SIPA1L3: variants seen among roughly 807,000 people sequenced by gnomAD.
The protein encoded by SIPA1L3 is signal induced proliferation associated 1 like 3, also known as signal-induced proliferation-associated 1-like protein 3.
SIPA1L3 carries 59 observed loss-of-function variants against 150.1 expected under a neutral mutation model. The ratio of observed to expected loss-of-function variants is 0.39; its 90% confidence interval spans 0.32 to 0.49. The LOEUF (loss-of-function observed/expected upper bound fraction) is 0.49, where lower values mean the gene tolerates loss of function less well. SIPA1L3 is among the 20% of genes least tolerant of loss of function. The pLI, the probability that SIPA1L3 is intolerant of heterozygous loss-of-function variation, is 0.86. For missense variants in SIPA1L3, 2,211 were observed against 2,489.5 expected (o/e 0.89, Z 2.38); for synonymous variants, 1,070 against 1,077.6 (o/e 0.99, Z 0.14).
At chr19:38,088,876 A>G (rs771601233) in intron 4 of SIPA1L3, 25 bp downstream of exon 4, 6 of 1,608,518 alleles carry the variant, frequency 3.7e-6, no homozygotes, top group Admixed American at 1.7e-5. Context: ...TCTCGTTCTT[A>G]TTAAAGAAAT....
chr19:38,204,409 G>C (rs887481702), intron 21 of SIPA1L3, among the ~76,000 whole-genome samples: 4 of 152,192 alleles, frequency 2.6e-5, no homozygotes, highest in Non-Finnish European at 4.4e-5. Context: ...TCCATTCTTG[G>C]GGGGAGAATA....
intron 3 of SIPA1L3, among the ~76,000 whole-genome samples, chr19:38,085,849 A>G (rs2145832318): frequency 1.3e-5 from 2 of 152,234 alleles, no homozygotes; most frequent in East Asian, 3.9e-4. Flanking sequence ...TACAAAAATT[A>G]GCTGGGCGTG....
At chr19:38,041,216 C>G (rs971108364) in intron 2 of SIPA1L3, among the ~76,000 whole-genome samples, 1 of 149,510 alleles carries the variant, frequency 6.7e-6, no homozygotes, top group African/African-American at 2.5e-5. Flanking sequence ...AAGCAATTCT[C>G]CTGCCTCAGC....
intron 16 of SIPA1L3, among the ~76,000 whole-genome samples, chr19:38,188,985 A>G (rs1034004308): frequency 2.6e-5 from 4 of 151,828 alleles, no homozygotes; most frequent in Non-Finnish European, 4.4e-5. Context: ...TCCCTCCCCA[A>G]AAGCAGCCAT....
intron 2 of SIPA1L3, among the ~76,000 whole-genome samples, chr19:38,068,454 C>T (rs530599574): frequency 2.0e-5 from 3 of 152,276 alleles, no homozygotes; most frequent in East Asian, 3.9e-4. Flanking sequence ...CTCATTTGAA[C>T]GATTTCATCT....
intron 16 of SIPA1L3, among the ~76,000 whole-genome samples, chr19:38,186,696 A>G (rs1253617116): frequency 2.6e-5 from 4 of 151,180 alleles, no homozygotes; most frequent in African/African-American, 9.7e-5. Context: ...TTTAAAAATC[A>G]CAACCAAGGC....
chr19:38,037,191 C>A (rs891925490), intron 2 of SIPA1L3, among the ~76,000 whole-genome samples: 2 of 152,214 alleles, frequency 1.3e-5, no homozygotes, highest in African/African-American at 4.8e-5. Context: ...GTGATTATGT[C>A]TGCACTAAGT....
intron 2 of SIPA1L3, among the ~76,000 whole-genome samples, chr19:38,071,436 A>G (rs1969721857): frequency 6.6e-6 from 1 of 151,942 alleles, no homozygotes; most frequent in Non-Finnish European, 1.5e-5. Flanking sequence ...ACAGGCATGC[A>G]CCACCATGCC....
At chr19:37,990,977 A>T (rs1315853549) in intron 1 of SIPA1L3, among the ~76,000 whole-genome samples, 2 of 152,152 alleles carry the variant, frequency 1.3e-5, no homozygotes, top group African/African-American at 2.4e-5. Flanking sequence ...TCACGCTTGT[A>T]ATCCCAACAC....
intron 15 of SIPA1L3, among the ~76,000 whole-genome samples, chr19:38,173,441 C>T (rs755066181): frequency 6.6e-6 from 1 of 152,278 alleles, no homozygotes; most frequent in African/African-American, 2.4e-5. Context: ...CTGAGTGATC[C>T]TGGGCGGGCA....
intron 1 of SIPA1L3, among the ~76,000 whole-genome samples, chr19:37,971,949 TACAGATAG>T (rs1470918708): frequency 1.3e-5 from 2 of 152,202 alleles, no homozygotes; most frequent in Non-Finnish European, 2.9e-5. Flanking sequence ...TATTCTGTTG[TACAGATAG>T]ACCACATTTT....
intron 9 of SIPA1L3, among the ~76,000 whole-genome samples, chr19:38,127,880 G>C (rs1445754169): frequency 6.6e-6 from 1 of 151,906 alleles, no homozygotes; most frequent in Admixed American, 6.6e-5. Context: ...AGCTTAGGTG[G>C]GGTAGCTTAT....
At chr19:38,024,766 G>C (rs1968462718) in intron 1 of SIPA1L3, among the ~76,000 whole-genome samples, 1 of 152,154 alleles carries the variant, frequency 6.6e-6, no homozygotes, top group Non-Finnish European at 1.5e-5. Flanking sequence ...CTTCTTAGAA[G>C]GGTCATGTTC....
At chr19:38,057,578 T>C (rs904080514) in intron 2 of SIPA1L3, among the ~76,000 whole-genome samples, 1 of 152,012 alleles carries the variant, frequency 6.6e-6, no homozygotes, top group East Asian at 1.9e-4. Flanking sequence ...CTATGAATTT[T>C]TCTGCATCTC....
At chr19:38,175,752 C>T (rs1157765693) in intron 15 of SIPA1L3, among the ~76,000 whole-genome samples, 1 of 152,140 alleles carries the variant, frequency 6.6e-6, no homozygotes. Flanking sequence ...AACTGAGGCT[C>T]ACTGAGGGGA....
intron 7 of SIPA1L3, 125 bp from the exon 8 acceptor site, chr19:38,110,102 T>C (rs1290359103): frequency 1.6e-5 from 15 of 929,670 alleles, no homozygotes; most frequent in Middle Eastern, 2.4e-4. Context: ...CGGGCATTCC[T>C]TGGGCTGTGT....
chr19:38,079,159 T>C (rs1036348879), intron 2 of SIPA1L3, among the ~76,000 whole-genome samples: 4 of 152,146 alleles, frequency 2.6e-5, no homozygotes, highest in Non-Finnish European at 5.9e-5. Flanking sequence ...GGTGAAACCC[T>C]GTCTCTACTA....
At chr19:37,911,791 G>C (rs775018385) in intron 1 of SIPA1L3, among the ~76,000 whole-genome samples, 1 of 152,016 alleles carries the variant, frequency 6.6e-6, no homozygotes, top group African/African-American at 2.4e-5. Context: ...GAGCCACCGC[G>C]CCTGGCCCCT....
chr19:37,955,605 A>G (rs1299851472), intron 1 of SIPA1L3, among the ~76,000 whole-genome samples: 1 of 152,192 alleles, frequency 6.6e-6, no homozygotes, highest in Non-Finnish European at 1.5e-5. Context: ...TGAACATTTC[A>G]AATACATGCA....
Sources: allele counts gnomAD v4.1 joint callset (sites outside exome capture counted in the v4.1 genomes callset), GRCh38; gene constraint gnomAD v4.1.1; transcripts MANE v1.5; gene names NCBI Gene and HGNC (gene_info 2026-07-23, HGNC 2026-07-21).